AACS: variants seen among roughly 807,000 people sequenced by gnomAD.
AACS encodes the protein acetoacetyl-CoA synthetase.
AACS carries 69 observed loss-of-function variants against 83.1 expected under a neutral mutation model. The ratio of observed to expected loss-of-function variants is 0.83; its 90% CI spans 0.68 to 1.01. AACS has a LOEUF of 1.01. Ranked by LOEUF, AACS falls within the 50% of genes least tolerant of loss-of-function variation. AACS has a pLI of 0.00. For synonymous variants in AACS, 333 were observed against 343.4 expected, an observed-to-expected ratio of 0.97 and a Z score of 0.33; for missense variants, 866 against 882.2, an observed-to-expected ratio of 0.98 and a Z score of 0.23.
chr12:125,106,895 A>G (rs1412515245), intron 7 of AACS, among the ~76,000 whole-genome samples: 3 of 152,220 alleles, frequency 2.0e-5, no homozygotes, highest in African/African-American at 7.2e-5. Flanking sequence ...TGATTAAGCA[A>G]CTTGAAACCT....
In AACS at chr12:125,134,810, C is replaced by T; in HGVS notation, c.1636C>T (p.Pro546Ser). 6.2e-7 allele frequency: 1 copy of T among 1,614,166 alleles called. No homozygotes were observed. Among genetic ancestry groups the T allele is most frequent in the Non-Finnish European group, 8.5e-7 (1 of 1,180,024 alleles). ...TCTTTCCAGTGACGGCACCCTCAAC[C>T]CCAACGGGGTGCGGTTCGGCAGCTC... ...MLGRSDGTLN[P>S]NGVRFGSSEI... The change falls in exon 16 of 18, where the codon CCC (proline) becomes TCC (serine). Residue 546 changes from proline (P) to serine (S), a missense_variant. Coordinates refer to ENST00000316519, the MANE Select transcript of AACS (RefSeq NM_023928.5).
chr12:125,068,437 C>T (rs950242107), intron 1 of AACS, among the ~76,000 whole-genome samples: 1 of 152,056 alleles, frequency 6.6e-6, no homozygotes, highest in Non-Finnish European at 1.5e-5. Context: ...GCAGCCTGGG[C>T]GACAGAGTAA....
chr12:125,082,724 G>A (rs995053466), intron 3 of AACS, among the ~76,000 whole-genome samples: 5 of 152,118 alleles, frequency 3.3e-5, no homozygotes, highest in Admixed American at 2.6e-4. Flanking sequence ...GGGAGGCTGA[G>A]GCAGGAGAAT....
At chr12:125,090,355 A>G (rs1956452363) in intron 4 of AACS, among the ~76,000 whole-genome samples, 1 of 73,020 alleles carries the variant, frequency 1.4e-5, no homozygotes, top group Non-Finnish European at 2.8e-5. Flanking sequence ...CTACCCATTT[A>G]TCCGTCATCC....
chr12:125,133,413 A>T (rs921027705), intron 14 of AACS, among the ~76,000 whole-genome samples: 5 of 152,128 alleles, frequency 3.3e-5, no homozygotes, highest in African/African-American at 1.2e-4. Context: ...GCCTGCTGAC[A>T]CTGTGTTGCT....
intron 4 of AACS, among the ~76,000 whole-genome samples, chr12:125,089,482 A>G (rs1055837339): frequency 6.6e-6 from 1 of 151,978 alleles, no homozygotes; most frequent in Non-Finnish European, 1.5e-5. Context: ...GTGTAGAGTG[A>G]TCTGGTTAAT....
chr12:125,108,812 C>T (rs12303416), intron 8 of AACS, among the ~76,000 whole-genome samples: 49,034 of 149,548 alleles, frequency 0.33, 8,359 homozygotes, highest in East Asian at 0.54. Flanking sequence ...GGATTATAGG[C>T]GTGTGCCGCT....
chr12:125,136,807 C>T lies in AACS; in HGVS notation c.1824C>T (p.Arg608=). 6.2e-7 allele frequency: 1 copy of T among 1,614,062 alleles called. No individual in the cohort carries two copies. Among genetic ancestry groups the T allele is most frequent in the Non-Finnish European group, 8.5e-7 (1 of 1,180,032 alleles). Residue 608 remains arginine, a synonymous_variant, in exon 17 of 18, where the codon CGC becomes CGT. Transcript: ENST00000316519. ...TTAAGAGGATCCGTGACGCCATCCG[C>T]ATGGGCTTGTCTGCGCGACACGTGC... ...DLVKRIRDAI[R]MGLSARHVPS... is the part of the protein sequence containing the mutation.
chr12:125,084,510 C>G (rs182248992), intron 3 of AACS, among the ~76,000 whole-genome samples: 1 of 151,718 alleles, frequency 6.6e-6, no homozygotes, highest in African/African-American at 2.4e-5. Flanking sequence ...CTCAAGTGAT[C>G]GTCCCATCTC....
At position 125,083,544 on chromosome 12, in the gene AACS, G is replaced by GT. The variant is rs796711225; in HGVS notation, c.359-2776dup. Among the ~76,000 whole-genome samples the GT allele has an allele frequency of 1.2e-3, 171 of 146,850 alleles. 1 individual carries two copies. Among genetic ancestry groups the GT allele is most frequent in the East Asian group, 4.5e-3 (23 of 5,078 alleles). ...TTTCTTTGATAACGGGTGGTTGATC[G>GT]TTTTTTTTTTAATTTTTTTCTGTAC... On this transcript the variant is annotated intron_variant, in intron 3 of 17. Transcript: ENST00000316519.
intron 5 of AACS, among the ~76,000 whole-genome samples, chr12:125,098,508 G>A (rs1458704075): frequency 2.0e-5 from 3 of 150,532 alleles, no homozygotes; most frequent in African/African-American, 7.4e-5. Context: ...CTGGAGTGCA[G>A]TGGCATGATC....
In AACS at chr12:125,080,926, C is replaced by G. The variant is rs916624769; in HGVS notation, c.358+4315C>G. ...CAGGATGGTCTCCATCTCCTGACCT[C>G]GTGATCCACCCGCCTTGGCCTCCCA... On this transcript the variant is annotated intron_variant, in intron 3 of 17. Coordinates refer to ENST00000316519, the MANE Select transcript of AACS (RefSeq NM_023928.5). 6.6e-5 allele frequency among the ~76,000 whole-genome samples: 10 copies of G among 151,964 alleles called. No individual in the cohort carries two copies. The South Asian group carries it at 8.3e-4, about 13-fold the overall frequency.
intron 1 of AACS, among the ~76,000 whole-genome samples, chr12:125,067,128 G>A (rs1955723229): frequency 1.3e-5 from 2 of 152,182 alleles, no homozygotes; most frequent in African/African-American, 4.8e-5. Context: ...GCAGACGGCT[G>A]CCTGGCAGCT....
At chr12:125,087,334 G>A (rs919267667) in intron 4 of AACS, among the ~76,000 whole-genome samples, 1 of 152,224 alleles carries the variant, frequency 6.6e-6, no homozygotes, top group Non-Finnish European at 1.5e-5. Flanking sequence ...GATTTCCCAC[G>A]AAGAACTGCT....
chr12:125,068,416 G>A (rs1955763064), intron 1 of AACS, among the ~76,000 whole-genome samples: 2 of 152,158 alleles, frequency 1.3e-5, no homozygotes, highest in African/African-American at 2.4e-5. Flanking sequence ...CCGAGATCTC[G>A]CCACTGCACT....
intron 12 of AACS, 86 bp downstream of exon 12, chr12:125,125,110 C>A: frequency 6.3e-7 from 1 of 1,577,148 alleles, no homozygotes; most frequent in South Asian, 1.1e-5. Flanking sequence ...TGGATTCATC[C>A]CAAGGACACA....
intron 3 of AACS, among the ~76,000 whole-genome samples, chr12:125,083,403 G>C (rs182068820): frequency 1.5e-4 from 23 of 151,034 alleles, no homozygotes; most frequent in Non-Finnish European, 3.1e-4. Context: ...GGTCAGGTGT[G>C]AATACCAGCG....
At chr12:125,077,397 C>CT (rs1233378241) in intron 3 of AACS, among the ~76,000 whole-genome samples, 10 of 151,490 alleles carry the variant, frequency 6.6e-5, no homozygotes, top group Non-Finnish European at 1.5e-4. Flanking sequence ...GTAGTCCCAG[C>CT]TACTCAGGAG....
chr12:125,116,179 G>A (rs1380956081), intron 9 of AACS, among the ~76,000 whole-genome samples: 1 of 152,130 alleles, frequency 6.6e-6, no homozygotes, highest in Non-Finnish European at 1.5e-5. Flanking sequence ...TTTCAGGGCG[G>A]GAAGCCCGGG....
Sources: allele counts gnomAD v4.1 joint callset (sites outside exome capture counted in the v4.1 genomes callset), GRCh38; gene constraint gnomAD v4.1.1; transcripts MANE v1.5; gene names NCBI Gene and HGNC (gene_info 2026-07-23, HGNC 2026-07-21).